CMC2: variants seen among roughly 807,000 people sequenced by gnomAD.
The protein encoded by CMC2 is C-X9-C motif containing 2.
CMC2 carries 5 observed loss-of-function variants against 7.5 expected under a neutral mutation model. The observed-to-expected ratio is 0.66, with a 90% CI of 0.35 to 1.40. The LOEUF is 1.40. CMC2 is among the 40% of genes most tolerant of loss of function. The probability of loss-of-function intolerance (pLI) is 0.04; values close to 1 mark genes in which losing one functional copy is unlikely to be tolerated. For missense variants in CMC2, 115 were observed against 92.3 expected, an observed-to-expected ratio of 1.25 and a Z score of -1.01; for synonymous variants, 37 against 31.4, an observed-to-expected ratio of 1.18 and a Z score of -0.60.
At chr16:80,993,499 T>G (rs1968170003) in intron 2 of CMC2, among the ~76,000 whole-genome samples, 1 of 152,160 alleles carries the variant, frequency 6.6e-6, no homozygotes, top group Non-Finnish European at 1.5e-5. Flanking sequence ...GACTGAGTAT[T>G]CACTACACAT....
rs3784818 is a variant in CMC2, at chr16:80,977,976, G to A, written c.154-1797C>T. Among the ~76,000 whole-genome samples the A allele has an allele frequency of 4.3e-4, 65 of 151,494 alleles. 1 individual carries two copies. The East Asian group carries it at 0.011, about 26-fold the overall frequency. On this transcript the variant is annotated intron_variant, in intron 3 of 3. Transcript: ENST00000219400. ...AATTCCAGCTATTCAGGAGGCTGAG[G>A]CAGGAGAATCACTTGAATCCAGAAG...
rs1912166615 is a variant in CMC2 at position 80,974,886 on chromosome 16, A to G, written c.*1207T>C. 6.6e-6 allele frequency: 1 copy of G among 152,242 alleles called. No individual in the cohort carries two copies. The highest frequency in any genetic ancestry group is 6.5e-5 in the Admixed American group (1 of 15,280). 9.4% of individuals were successfully genotyped at this position (152,242 alleles called of 1,614,324 possible). A position where few individuals can be genotyped will look rare whatever the true frequency, so the allele number is the denominator to read the frequency against. ...GAATGTCTGTTATGCTCTGTAATCG[A>G]CGTACTGAGCGAAAGTCCAGCTTCT... On this transcript the variant is annotated 3_prime_UTR_variant, in exon 4 of 4. Coordinates refer to ENST00000219400, the MANE Select transcript of CMC2 (RefSeq NM_020188.5).
Position 80,997,300 on chromosome 16 carries a change from T to C in CMC2, c.81+14A>G. The C allele has an allele frequency of 1.4e-6, 2 of 1,382,702 alleles. No individual in the cohort carries two copies. Among genetic ancestry groups the C allele is most frequent in the Non-Finnish European group, 2.1e-6 (2 of 969,450 alleles). The allele number at this position is 1,382,702 out of a possible 1,614,324, so 85.7% of individuals were successfully genotyped here. A position where few individuals can be genotyped will look rare whatever the true frequency, so the allele number is the denominator to read the frequency against. On this transcript the variant is annotated intron_variant, in intron 2 of 3. Transcript: ENST00000219400. ...TTTCATTTTGGCTGTACAGTCGTTTTTCTGAACTCTTACATTTTTGTGACA... is the reference window on the plus strand; with the variant it reads ...TTTCATTTTGGCTGTACAGTCGTTTCTCTGAACTCTTACATTTTTGTGACA...
intron 1 of CMC2, among the ~76,000 whole-genome samples, chr16:81,001,012 C>A (rs969999514): frequency 6.6e-6 from 1 of 152,082 alleles, no homozygotes; most frequent in Non-Finnish European, 1.5e-5. Flanking sequence ...TACTAAACAG[C>A]CATAAAAAAG....
intron 3 of CMC2, among the ~76,000 whole-genome samples, chr16:80,979,277 ATAAAG>A (rs1016637964): frequency 6.6e-6 from 1 of 152,194 alleles, no homozygotes; most frequent in African/African-American, 2.4e-5. Context: ...AAATTAGAGA[ATAAAG>A]TAACATAACT....
At position 80,976,134 on chromosome 16, in the gene CMC2, G is replaced by C; in HGVS notation, c.199C>G (p.Arg67Gly). The C allele has an allele frequency of 6.2e-7, 1 of 1,609,152 alleles. No homozygotes were observed. Among genetic ancestry groups the C allele is most frequent in the Non-Finnish European group, 8.5e-7 (1 of 1,176,086 alleles). ...TKSREHGIAM[R>G]KKLFNPPEES... The stretch of plus-strand genomic sequence containing the variant: ...TCTGGAGGATTAAAAAGTTTCTTTC[G>C]CATTGCAATGCCATGCTCCCTGCTC... Residue 67 changes from arginine (R) to glycine (G), a missense_variant, in exon 4 of 4, where the codon CGA becomes GGA. Transcript: ENST00000219400.
chr16:80,978,950 G>A (rs868018499), intron 3 of CMC2, among the ~76,000 whole-genome samples: 6 of 152,140 alleles, frequency 3.9e-5, no homozygotes, highest in Admixed American at 1.3e-4. Flanking sequence ...GCGTGGTGGT[G>A]GGCACCTGTA....
At position 81,006,798 on chromosome 16, in the gene CMC2, G is replaced by A. The variant is rs1011240711; in HGVS notation, c.-100C>T. 2.0e-6 allele frequency: 2 copies of A among 985,550 alleles called. No homozygotes were observed. The highest frequency in any genetic ancestry group is 1.7e-5 in the African/African-American group (1 of 57,246). 61.1% of individuals were successfully genotyped at this position (985,550 alleles called of 1,614,324 possible). The stretch of plus-strand genomic sequence containing the variant: ...GCCGGCGGAGACGCCCGACCCGAAG[G>A]CCGGCTGCTAGGGAGCAGACAGCTG... On this transcript the variant is annotated 5_prime_UTR_variant, in exon 1 of 4. Transcript: ENST00000219400.
intron 1 of CMC2, among the ~76,000 whole-genome samples, chr16:81,006,324 CTAGA>C (rs1969331517): frequency 6.6e-6 from 1 of 152,240 alleles, no homozygotes; most frequent in Non-Finnish European, 1.5e-5. Context: ...TTCTCAATTG[CTAGA>C]TAAACAACAA....
At chr16:80,989,438 T>C (rs903380726) in intron 2 of CMC2, among the ~76,000 whole-genome samples, 4 of 152,174 alleles carry the variant, frequency 2.6e-5, no homozygotes, top group African/African-American at 9.7e-5. Context: ...TTTTGGCCAG[T>C]GGGAATCCCT....
chr16:80,978,556 A>G (rs1355958188), intron 3 of CMC2: 1 of 359,346 alleles, frequency 2.8e-6, no homozygotes, highest in African/African-American at 2.2e-5. Context: ...CAAAAGTACT[A>G]TTAGTGTTTC....
chr16:80,988,482 C>A, intron 2 of CMC2: 1 of 689,412 alleles, frequency 1.5e-6, no homozygotes, highest in Non-Finnish European at 2.6e-6. Context: ...AAGAACAGTA[C>A]AAAGAATTTC....
intron 3 of CMC2, chr16:80,980,695 GC>G: frequency 1.8e-6 from 1 of 562,338 alleles, no homozygotes; most frequent in East Asian, 3.1e-5. Flanking sequence ...TTTGAGACCA[GC>G]CTGGCCAAAA....
At chr16:80,999,500 T>A (rs1452541105) in intron 1 of CMC2, among the ~76,000 whole-genome samples, 1 of 152,200 alleles carries the variant, frequency 6.6e-6, no homozygotes, top group Non-Finnish European at 1.5e-5. Context: ...CAAAGCAATC[T>A]ACATATTCAA....
At chr16:80,984,480 C>A (rs964231297) in intron 2 of CMC2, among the ~76,000 whole-genome samples, 11 of 152,134 alleles carry the variant, frequency 7.2e-5, no homozygotes, top group Admixed American at 5.2e-4. Context: ...GTCAGTTTTT[C>A]CAGAAAGCAT....
chr16:80,968,952 G>A lies in CMC2; in HGVS notation c.*7141C>T, dbSNP rs1199107397. Reference sequence around the variant, plus strand: ...GAATATCACATAAAGCCAGGAGATGGTAATCCTCTAAGAAAACATTAACTA... The same window carrying A: ...GAATATCACATAAAGCCAGGAGATGATAATCCTCTAAGAAAACATTAACTA... On this transcript the variant is annotated 3_prime_UTR_variant, in exon 4 of 4. Coordinates refer to ENST00000219400, the MANE Select transcript of CMC2 (RefSeq NM_020188.5). The A allele has an allele frequency of 6.6e-6, 1 of 152,188 alleles. No homozygotes were observed. The highest frequency in any genetic ancestry group is 2.4e-5 in the African/African-American group (1 of 41,450). 9.4% of individuals were successfully genotyped at this position (152,188 alleles called of 1,614,324 possible).
At chr16:80,995,673 T>A (rs925495002) in intron 2 of CMC2, among the ~76,000 whole-genome samples, 3 of 152,010 alleles carry the variant, frequency 2.0e-5, no homozygotes, top group African/African-American at 7.2e-5. Context: ...AAAAAGAATA[T>A]ACGATGTAGT....
intron 3 of CMC2, among the ~76,000 whole-genome samples, chr16:80,976,869 C>G (rs1316641758): frequency 1.3e-5 from 2 of 152,092 alleles, no homozygotes; most frequent in African/African-American, 2.4e-5. Flanking sequence ...AACTGCTGCA[C>G]AGAACACAGC....
At chr16:81,002,598 G>T (rs927803455) in intron 1 of CMC2, among the ~76,000 whole-genome samples, 1 of 152,024 alleles carries the variant, frequency 6.6e-6, no homozygotes. Flanking sequence ...TTCTTTAATT[G>T]ACAAATACCT....
Sources: gnomAD v4.1 joint callset for allele counts (sites outside exome capture counted in the v4.1 genomes callset) on GRCh38, gnomAD v4.1.1 for gene constraint, MANE v1.5 for transcripts, NCBI Gene and HGNC (gene_info 2026-07-23, HGNC 2026-07-21) for gene names.